Variants in MPDZ observed in about 807,000 individuals in gnomAD.
MPDZ encodes multiple PDZ domain crumbs cell polarity complex component.
A neutral mutation model predicts 239.1 loss-of-function variants in MPDZ; 234 were observed. That is an observed-to-expected ratio of 0.98 (90% CI 0.88 to 1.09). The LOEUF (loss-of-function observed/expected upper bound fraction) is 1.09, where lower values mean the gene tolerates loss of function less well. Ranked by LOEUF, MPDZ falls within the 50% of genes least tolerant of loss-of-function variation. The pLI, the probability that MPDZ is intolerant of heterozygous loss-of-function variation, is 0.00. For missense variants in MPDZ, 3,175 were observed against 2,510.0 expected (o/e 1.26, Z -5.66); for synonymous variants, 1,048 against 881.3 (o/e 1.19, Z -3.35).
rs377036416 is a variant in MPDZ at position 13,125,421 on chromosome 9, A to C, written c.4633-31T>G. The C allele has an allele frequency of 5.0e-6, 8 of 1,591,868 alleles. No homozygotes were observed. In the African/African-American group the frequency reaches 1.1e-4, roughly 21 times the overall value. The stretch of plus-strand genomic sequence containing the variant: ...AGGGTGTATGTGTGGAAGAGAAACA[A>C]AATTCAAAGCTGAATTAGTAGACAT... On this transcript the variant is annotated intron_variant, in intron 34 of 46. Transcript: ENST00000319217.
chr9:13,147,744 G>C, intron 25 of MPDZ, 86 bp from the exon 26 acceptor site: 1 of 928,226 alleles, frequency 1.1e-6, no homozygotes, highest in South Asian at 1.6e-5. Context: ...GGGATACTTG[G>C]TTAGACTCCT....
At chr9:13,143,437 C>CA (rs1947991163) in intron 27 of MPDZ, 29 bp downstream of exon 27, 1 of 1,544,562 alleles carries the variant, frequency 6.5e-7, no homozygotes. Context: ...AAAAGGCAAC[C>CA]AACAGCAAGA....
intron 10 of MPDZ, among the ~76,000 whole-genome samples, chr9:13,211,425 T>C (rs957872456): frequency 2.0e-5 from 3 of 152,052 alleles, no homozygotes; most frequent in Non-Finnish European, 4.4e-5. Context: ...GACAAAAAGT[T>C]TAGAAAGTCC....
chr9:13,157,103 C>T (rs1161608072), intron 24 of MPDZ, among the ~76,000 whole-genome samples: 4 of 152,060 alleles, frequency 2.6e-5, no homozygotes, highest in Non-Finnish European at 4.4e-5. Flanking sequence ...GGGCAGGGGA[C>T]GTCATTAAAT....
intron 3 of MPDZ, among the ~76,000 whole-genome samples, chr9:13,229,577 TAC>T (rs139327129): frequency 0.024 from 3,183 of 135,272 alleles, 41 homozygotes; most frequent in Middle Eastern, 0.049. Flanking sequence ...ACACCACACT[TAC>T]ACACACACAC....
At chr9:13,176,475 A>T in intron 19 of MPDZ, 58 bp from the exon 20 acceptor site, 1 of 1,294,774 alleles carries the variant, frequency 7.7e-7, no homozygotes, top group Non-Finnish European at 1.0e-6. Flanking sequence ...AATTACATCA[A>T]TATATAACAT....
At chr9:13,132,130 T>C (rs1044377998) in intron 32 of MPDZ, among the ~76,000 whole-genome samples, 1 of 152,166 alleles carries the variant, frequency 6.6e-6, no homozygotes, top group African/African-American at 2.4e-5. Flanking sequence ...CATTCCTCAA[T>C]AGCATCTAAT....
intron 3 of MPDZ, among the ~76,000 whole-genome samples, chr9:13,225,823 C>G (rs570702672): frequency 6.6e-6 from 1 of 152,100 alleles, no homozygotes; most frequent in East Asian, 1.9e-4. Context: ...CATATTGTCA[C>G]ACATCGATTC....
At chr9:13,222,842 T>C (rs1959205984) in intron 5 of MPDZ, among the ~76,000 whole-genome samples, 1 of 151,484 alleles carries the variant, frequency 6.6e-6, no homozygotes, top group South Asian at 2.1e-4. Flanking sequence ...GATCCCCAAC[T>C]GGGGATCACA....
intron 3 of MPDZ, among the ~76,000 whole-genome samples, chr9:13,237,705 C>T (rs1051381002): frequency 4.6e-5 from 7 of 151,968 alleles, no homozygotes; most frequent in Admixed American, 6.6e-5. Context: ...CAGTATTTGC[C>T]GCCCATAATA....
At chr9:13,235,764 A>C (rs1428505259) in intron 3 of MPDZ, among the ~76,000 whole-genome samples, 1 of 152,198 alleles carries the variant, frequency 6.6e-6, no homozygotes. Context: ...ATAGGTACAA[A>C]GCATATTTGT....
intron 34 of MPDZ, 71 bp downstream of exon 34, chr9:13,126,445 G>A (rs1027829904): frequency 6.0e-5 from 61 of 1,013,142 alleles, no homozygotes; most frequent in African/African-American, 3.4e-4. Flanking sequence ...CTCTATGATC[G>A]CAGACACAAA....
rs748025565 is a variant in MPDZ, at chr9:13,217,274, T to C, written c.1107A>G (p.Lys369=). 1.9e-6 allele frequency: 3 copies of C among 1,596,580 alleles called. No homozygotes were observed. Among genetic ancestry groups the C allele is most frequent in the Admixed American group, 3.4e-5 (2 of 58,266 alleles). The part of the protein sequence containing the change: ...PELRVDASTQ[K]GEESETFDVE... The stretch of plus-strand genomic sequence containing the variant: ...CATCAAATGTCTCACTTTCTTCACC[T>C]TTCTGAGTAGAAGCATCAACCTAAA... Residue 369 remains lysine (K), a synonymous_variant, in exon 9 of 47, where the codon AAA becomes AAG. Transcript: ENST00000319217.
At chr9:13,157,990 G>C (rs191616371) in intron 24 of MPDZ, 28 bp downstream of exon 24, 1 of 1,580,086 alleles carries the variant, frequency 6.3e-7, no homozygotes, top group Non-Finnish European at 8.7e-7. Context: ...TATCCATTGG[G>C]TGGACAGAAG....
At chr9:13,228,500 A>G (rs1296359604) in intron 3 of MPDZ, among the ~76,000 whole-genome samples, 2 of 152,170 alleles carry the variant, frequency 1.3e-5, no homozygotes, top group African/African-American at 4.8e-5. Context: ...AAAAAATAAC[A>G]AAGAAAAAAT....
intron 13 of MPDZ, among the ~76,000 whole-genome samples, chr9:13,195,291 A>AAAAC (rs947063202): frequency 2.6e-5 from 4 of 152,132 alleles, no homozygotes; most frequent in African/African-American, 4.8e-5. Context: ...TTGTCTCAAA[A>AAAAC]AAACAAACAA....
At chr9:13,212,729 T>G (rs1336996624) in intron 10 of MPDZ, among the ~76,000 whole-genome samples, 1 of 150,082 alleles carries the variant, frequency 6.7e-6, no homozygotes, top group Non-Finnish European at 1.5e-5. Flanking sequence ...TCACAGCACT[T>G]TGGTAGGCAG....
At chr9:13,260,324 G>C (rs7048187) in intron 1 of MPDZ, among the ~76,000 whole-genome samples, 1 of 151,870 alleles carries the variant, frequency 6.6e-6, no homozygotes, top group Non-Finnish European at 1.5e-5. Context: ...GCTAGATTAA[G>C]ATTAGTTAAG....
intron 26 of MPDZ, among the ~76,000 whole-genome samples, chr9:13,143,985 G>T (rs1448095474): frequency 1.3e-5 from 2 of 151,754 alleles, no homozygotes; most frequent in Admixed American, 6.6e-5. Context: ...AATCTGTCTA[G>T]AATGCAAATT....
Sources: gnomAD v4.1 joint callset for allele counts (sites outside exome capture counted in the v4.1 genomes callset) on GRCh38, gnomAD v4.1.1 for gene constraint, MANE v1.5 for transcripts, NCBI Gene and HGNC (gene_info 2026-07-23, HGNC 2026-07-21) for gene names.